Variants in ZNF345 observed in about 807,000 individuals in gnomAD.
ZNF345 encodes zinc finger protein 345.
For missense variants in ZNF345, 527 were observed against 589.9 expected (o/e 0.89, Z 1.10); for synonymous variants, 166 against 187.9 (o/e 0.88, Z 0.95).
intron 2 of ZNF345, among the ~76,000 whole-genome samples, chr19:36,863,814 A>G (rs1177117564): frequency 6.6e-6 from 1 of 152,218 alleles, no homozygotes; most frequent in Non-Finnish European, 1.5e-5. Flanking sequence ...TACTGCCATA[A>G]TGGTCAAGTA....
intron 2 of ZNF345, among the ~76,000 whole-genome samples, chr19:36,856,836 C>T (rs888540039): frequency 1.4e-5 from 2 of 142,158 alleles, no homozygotes; most frequent in Non-Finnish European, 3.0e-5. Context: ...GGTGACAGAA[C>T]GAGACTCCGT....
rs2072950549 is a variant in ZNF345, at chr19:36,879,226, T to G, written c.*929T>G. The G allele has an allele frequency of 6.0e-6, 1 of 167,112 alleles. No homozygotes were observed. Among genetic ancestry groups the G allele is most frequent in the Non-Finnish European group, 1.5e-5 (1 of 68,128 alleles). 10.4% of individuals were successfully genotyped at this position (167,112 alleles called of 1,614,324 possible). A position where few individuals can be genotyped will look rare whatever the true frequency, so the allele number is the denominator to read the frequency against. ...TTACTTTTAAGTATCCTTTAATACC[T>G]GTACCTTTTGTTTTAGAAGATTGTT... On this transcript the variant is annotated 3_prime_UTR_variant, in exon 3 of 3. Coordinates refer to ENST00000420450, the MANE Select transcript of ZNF345 (RefSeq NM_001242472.2).
At position 36,892,958 on chromosome 19, in the gene ZNF345, C is replaced by T. The variant is rs1162437878; in HGVS notation, c.187C>T (p.Arg63Cys). 5 of 539,068 alleles carry T rather than the reference C, an allele frequency of 9.3e-6. No homozygotes were observed. In the South Asian group the frequency reaches 2.5e-4, roughly 27 times the overall value. 33.4% of individuals were successfully genotyped at this position (539,068 alleles called of 1,614,324 possible). A position where few individuals can be genotyped will look rare whatever the true frequency, so the allele number is the denominator to read the frequency against. ...GGAGGAGGACAGGCCAGCAGGATGC[C>T]GCTTCTGCTCCAGGGCATGCACCAT... Residue 63 changes from arginine (R) to cysteine (C), a missense_variant, in exon 4 of 4, where the codon CGC becomes TGC. By Grantham distance (180) the Arg-to-Cys change is radical. Coordinates refer to the ZNF345 transcript ENST00000526123.
Position 36,891,798 on chromosome 19 carries a change from C to G in ZNF345, c.47-1020C>G, listed in dbSNP as rs374018238. On this transcript the variant is annotated intron_variant, in intron 3 of 3. Coordinates refer to the ZNF345 transcript ENST00000526123. ...TAAGTGTTGAGGCACTATTAAAGGC[C>G]TTCCCACACTGCTTACATTCATAAG... 3.7e-6 allele frequency: 6 copies of G among 1,614,006 alleles called. No individual in the cohort carries two copies. The African/African-American group carries it at 8.0e-5, about 22-fold the overall frequency.
chr19:36,870,335 CA>C (rs1438329376), intron 2 of ZNF345, among the ~76,000 whole-genome samples: 1 of 152,028 alleles, frequency 6.6e-6, no homozygotes, highest in African/African-American at 2.4e-5. Flanking sequence ...AATCTTTTTC[CA>C]GTATGTTCTG....
chr19:36,871,366 A>G (rs549082117), intron 2 of ZNF345, among the ~76,000 whole-genome samples: 6 of 152,056 alleles, frequency 3.9e-5, no homozygotes, highest in Admixed American at 6.6e-5. Flanking sequence ...CCATCACCCA[A>G]ATTCTTCAGT....
chr19:36,869,343 C>G (rs1600707028), intron 2 of ZNF345, among the ~76,000 whole-genome samples: 1 of 152,220 alleles, frequency 6.6e-6, no homozygotes, highest in East Asian at 1.9e-4. Context: ...GACCTATACA[C>G]AGTTTCTATG....
intron 3 of ZNF345, chr19:36,888,065 AT>A (rs1367661264): frequency 6.6e-6 from 1 of 152,040 alleles, no homozygotes; most frequent in Non-Finnish European, 1.5e-5. Context: ...ATATAAAGAA[AT>A]ATATATATTT....
At chr19:36,868,669 C>T (rs1308278570) in intron 2 of ZNF345, among the ~76,000 whole-genome samples, 1 of 150,638 alleles carries the variant, frequency 6.6e-6, no homozygotes, top group African/African-American at 2.4e-5. Flanking sequence ...CTCTGTTGCC[C>T]AGGCTGGAGT....
chr19:36,850,735 G>C (rs572921400), upstream of ZNF345: 33 of 152,402 alleles, frequency 2.2e-4, no homozygotes, highest in Admixed American at 1.8e-3. Flanking sequence ...CAGAGTCCGC[G>C]CCAGGGGAAT....
chr19:36,866,530 A>G (rs184819049), intron 2 of ZNF345, among the ~76,000 whole-genome samples: 13 of 149,086 alleles, frequency 8.7e-5, no homozygotes, highest in Admixed American at 2.0e-4. Context: ...GAATAATAAT[A>G]TATGTGTTCT....
Position 36,879,506 on chromosome 19 carries a change from T to C in ZNF345, c.*1209T>C, listed in dbSNP as rs1233245635. On this transcript the variant is annotated 3_prime_UTR_variant, in exon 3 of 3. Coordinates refer to ENST00000420450, the MANE Select transcript of ZNF345 (RefSeq NM_001242472.2). ...TGTTGTTACCATTTTATTGGCTTTA[T>C]AGTATTCACCTGTCTTTATCAAACC... 1 of 167,034 alleles carries C rather than the reference T, an allele frequency of 6.0e-6. No individual in the cohort carries two copies. The highest frequency in any genetic ancestry group is 1.5e-5 in the Non-Finnish European group (1 of 68,126). 10.3% of individuals were successfully genotyped at this position (167,034 alleles called of 1,614,324 possible).
intron 2 of ZNF345, among the ~76,000 whole-genome samples, chr19:36,857,690 C>G (rs1443303949): frequency 6.6e-6 from 1 of 152,228 alleles, no homozygotes; most frequent in Non-Finnish European, 1.5e-5. Context: ...ATCTGCTTTT[C>G]TAACTGCCAG....
chr19:36,885,260 A>G (rs986801057), intron 3 of ZNF345, among the ~76,000 whole-genome samples: 2 of 151,882 alleles, frequency 1.3e-5, no homozygotes, highest in Non-Finnish European at 2.9e-5. Flanking sequence ...TCCAATGACT[A>G]ATAATGTTGA....
At chr19:36,875,084 G>A (rs1018830689) in intron 2 of ZNF345, among the ~76,000 whole-genome samples, 3 of 152,050 alleles carry the variant, frequency 2.0e-5, no homozygotes, top group African/African-American at 7.2e-5. Context: ...AGTTCAAGTT[G>A]ATTAAATTAA....
In ZNF345 at chr19:36,877,833, A is replaced by G. The variant is rs369525341; in HGVS notation, c.1003A>G (p.Met335Val). The change falls in exon 3 of 3, where the codon ATG becomes GTG. Residue 335 changes from methionine to valine, a missense_variant. By Grantham distance (21) the Met-to-Val change is conservative (BLOSUM62 1). Transcript: ENST00000420450. ...SGSKLIQHQR[M>V]HTGEKPYECK... ...TTCAAAACTTATTCAGCATCAAAGA[A>G]TGCATACTGGAGAGAAACCTTATGA... 1.9e-5 allele frequency: 30 copies of G among 1,613,914 alleles called. No individual in the cohort carries two copies. The highest frequency in any genetic ancestry group is 1.6e-4 in the Middle Eastern group (1 of 6,084).
At chr19:36,852,128 C>CTTTTTT (rs35747733) in intron 2 of ZNF345, among the ~76,000 whole-genome samples, 152 of 102,660 alleles carry the variant, frequency 1.5e-3, no homozygotes, top group African/African-American at 3.6e-3. Context: ...TTCTTTCTTT[C>CTTTTTT]TTTTTTTTTT....
chr19:36,877,449 T>G lies in ZNF345; in HGVS notation c.619T>G (p.Cys207Gly). 1.2e-6 allele frequency: 2 copies of G among 1,614,072 alleles called. No individual in the cohort carries two copies. Among genetic ancestry groups the G allele is most frequent in the Non-Finnish European group, 1.7e-6 (2 of 1,180,008 alleles). Reference sequence around the variant, plus strand: ...TGAGAAACCTTATGAATGTATAGATTGTGGTAAAGCCTTTGGCAGTGGTTC... The same window carrying G: ...TGAGAAACCTTATGAATGTATAGATGGTGGTAAAGCCTTTGGCAGTGGTTC... ...TGEKPYECID[C>G]GKAFGSGSNL... Residue 207 changes from cysteine to glycine, a missense_variant, in exon 3 of 3, where the codon TGT becomes GGT. Cys to Gly is a radical substitution (Grantham distance 159, BLOSUM62 -3). Coordinates refer to ENST00000420450, the MANE Select transcript of ZNF345 (RefSeq NM_001242472.2).
intron 2 of ZNF345, among the ~76,000 whole-genome samples, chr19:36,865,899 A>G (rs1317994931): frequency 6.6e-6 from 1 of 152,152 alleles, no homozygotes; most frequent in Non-Finnish European, 1.5e-5. Flanking sequence ...GTTGGGTTTT[A>G]TCAAATTCTC....
Sources: allele counts gnomAD v4.1 joint callset (sites outside exome capture counted in the v4.1 genomes callset), GRCh38; gene constraint gnomAD v4.1.1; transcripts MANE v1.5; gene names NCBI Gene and HGNC (gene_info 2026-07-23, HGNC 2026-07-21).